MEF2C: variants seen among roughly 807,000 people sequenced by gnomAD.
MEF2C encodes myocyte-specific enhancer factor 2C.
In MEF2C, 6 loss-of-function variants were observed where a neutral mutation model predicts 50.5. That is an observed-to-expected ratio of 0.12 (90% CI 0.07 to 0.23). The LOEUF is 0.23. Among genes scored for constraint, MEF2C ranks in the 10% least tolerant of loss-of-function variants. MEF2C has a pLI of 1.00. For missense variants in MEF2C, 276 were observed against 605.0 expected (o/e 0.46, Z 5.70); for synonymous variants, 183 against 228.0 (o/e 0.80, Z 1.78).
chr5:88,730,429 A>T (rs1760945771), intron 7 of MEF2C, among the ~76,000 whole-genome samples, 195 bp from the exon 8 acceptor site: 1 of 152,182 alleles, frequency 6.6e-6, no homozygotes, highest in Non-Finnish European at 1.5e-5. Context: ...CTCAAATGTG[A>T]AGACAATCTA....
intron 2 of MEF2C, among the ~76,000 whole-genome samples, chr5:88,819,923 C>A (rs989240936): frequency 3.3e-5 from 5 of 151,940 alleles, no homozygotes; most frequent in Non-Finnish European, 7.4e-5. Flanking sequence ...GCTCGCTGAA[C>A]CCCTAAAGCA....
chr5:88,743,952 C>A lies in MEF2C; in HGVS notation c.637+5118G>T, dbSNP rs1281176467. 4.3e-6 allele frequency: 4 copies of A among 928,052 alleles called. No homozygotes were observed. The African/African-American group carries it at 5.4e-5, about 12-fold the overall frequency. The allele number at this position is 928,052 out of a possible 1,614,324, so 57.5% of individuals were successfully genotyped here. A position where few individuals can be genotyped will look rare whatever the true frequency, so the allele number is the denominator to read the frequency against. On this transcript the variant is annotated intron_variant, in intron 6 of 10. Coordinates refer to ENST00000504921, the MANE Select transcript of MEF2C (RefSeq NM_002397.5). ...ATATACATAAATCTCCTTTGCCTTACTGTCAAATAGCTATGTAGATTGTAA... is the reference window on the plus strand; with the variant it reads ...ATATACATAAATCTCCTTTGCCTTAATGTCAAATAGCTATGTAGATTGTAA...
chr5:88,816,421 G>A lies in MEF2C; in HGVS notation c.54+7314C>T, dbSNP rs575352280. Among the ~76,000 whole-genome samples the A allele has an allele frequency of 7.7e-4, 114 of 148,278 alleles. 1 individual carries two copies. The highest frequency in any genetic ancestry group is 2.4e-3 in the East Asian group (12 of 4,970). On this transcript the variant is annotated intron_variant, in intron 2 of 10. Coordinates refer to ENST00000504921, the MANE Select transcript of MEF2C (RefSeq NM_002397.5). ...GGGATAAAATGGAAATGAATGGCCT[G>A]AGGCCACAGCTGTTAAACATACATC...
At position 88,736,404 on chromosome 5, in the gene MEF2C, G is replaced by A. The variant is rs1183711602; in HGVS notation, c.638-4503C>T. ...AGCTACTCGGGAGGCTGAGGCAGGA[G>A]AATGGCGTGAACCCGGGAAGCGGAG... On this transcript the variant is annotated intron_variant, in intron 6 of 10. Transcript: ENST00000504921. Among the ~76,000 whole-genome samples the A allele has an allele frequency of 7.7e-5, 4 of 52,020 alleles. 2 individuals are homozygous for A. Among genetic ancestry groups the A allele is most frequent in the Non-Finnish European group, 1.9e-4 (4 of 20,994 alleles). The allele number at this position is 52,020 out of a possible 152,430, so 34.1% of individuals were successfully genotyped here.
intron 1 of MEF2C, among the ~76,000 whole-genome samples, chr5:88,853,312 T>C (rs1822075899): frequency 6.6e-6 from 1 of 152,216 alleles, no homozygotes; most frequent in South Asian, 2.1e-4. Context: ...TGAGATCTTC[T>C]AGGCTGGACT....
chr5:88,857,536 T>C (rs1823883430), intron 1 of MEF2C, among the ~76,000 whole-genome samples: 2 of 152,168 alleles, frequency 1.3e-5, no homozygotes, highest in African/African-American at 4.8e-5. Context: ...TTTGGCTGTG[T>C]CCCCACCCAA....
At chr5:88,834,994 C>A (rs2153263028) in intron 1 of MEF2C, among the ~76,000 whole-genome samples, 1 of 152,208 alleles carries the variant, frequency 6.6e-6, no homozygotes, top group African/African-American at 2.4e-5. Context: ...CTTTGAAGCT[C>A]TAGGAATATA....
intron 7 of MEF2C, among the ~76,000 whole-genome samples, chr5:88,731,192 G>T (rs1301723205): frequency 6.6e-6 from 1 of 152,142 alleles, no homozygotes; most frequent in Non-Finnish European, 1.5e-5. Context: ...TGAAGTAAAT[G>T]TATGGAAAGA....
At chr5:88,765,127 G>C (rs929047308) in intron 3 of MEF2C, among the ~76,000 whole-genome samples, 167 of 152,240 alleles carry the variant, frequency 1.1e-3, no homozygotes, top group African/African-American at 4.0e-3. Context: ...TCTTGTATCT[G>C]ACTGCATTAT....
At chr5:88,902,710 TC>T (rs1835791446) in intron 1 of MEF2C, among the ~76,000 whole-genome samples, 3 of 151,880 alleles carry the variant, frequency 2.0e-5, no homozygotes, top group African/African-American at 4.8e-5. Flanking sequence ...TATGGGATCA[TC>T]AGAATAAAAC....
At chr5:88,730,334 C>A (rs1760903668) in intron 7 of MEF2C, 100 bp from the exon 8 acceptor site, 1 of 1,307,932 alleles carries the variant, frequency 7.6e-7, no homozygotes, top group Non-Finnish European at 1.1e-6. Flanking sequence ...CCGATAGACA[C>A]AACAGTTTAA....
chr5:88,878,104 A>C (rs1581911053), intron 1 of MEF2C: 1 of 152,058 alleles, frequency 6.6e-6, no homozygotes, highest in Non-Finnish European at 1.5e-5. Flanking sequence ...ACTAAATTAG[A>C]AAATCTTAAG....
At chr5:88,735,829 C>T (rs1763834909) in intron 6 of MEF2C, 10 of 985,382 alleles carry the variant, frequency 1.0e-5, no homozygotes, top group Non-Finnish European at 1.1e-5. Flanking sequence ...TTTGCCTTGT[C>T]TCACAGAGCT....
chr5:88,884,088 C>G (rs1483598674), upstream of MEF2C, among the ~76,000 whole-genome samples: 1 of 152,370 alleles, frequency 6.6e-6, no homozygotes, highest in South Asian at 2.1e-4. Context: ...GCTCCCTGCT[C>G]CTCTCGCGGC....
chr5:88,755,732 A>T (rs1455053532), intron 4 of MEF2C, among the ~76,000 whole-genome samples: 3 of 152,240 alleles, frequency 2.0e-5, no homozygotes, highest in African/African-American at 7.2e-5. Flanking sequence ...GTATCTAAGG[A>T]TCTGCTATAA....
intron 6 of MEF2C, chr5:88,734,513 T>C: frequency 1.0e-6 from 1 of 979,090 alleles, no homozygotes; most frequent in Non-Finnish European, 1.2e-6. Context: ...TGACAAGCAC[T>C]GGGCCAGTGT....
intron 3 of MEF2C, among the ~76,000 whole-genome samples, chr5:88,798,282 T>C (rs1039554634): frequency 5.3e-5 from 8 of 152,172 alleles, no homozygotes; most frequent in African/African-American, 1.9e-4. Context: ...ACCAATCAAA[T>C]GTAGGTTTTG....
intron 1 of MEF2C, chr5:88,843,380 C>T: frequency 3.0e-6 from 3 of 985,020 alleles, no homozygotes; most frequent in Non-Finnish European, 3.6e-6. Context: ...GGTGAACCAA[C>T]AAATTGTTGA....
At chr5:88,857,198 C>A (rs1408678474) in intron 1 of MEF2C, among the ~76,000 whole-genome samples, 2 of 152,174 alleles carry the variant, frequency 1.3e-5, no homozygotes, top group Non-Finnish European at 2.9e-5. Context: ...TAATGACTGT[C>A]CTACTGGATT....
Sources: allele counts gnomAD v4.1 joint callset (sites outside exome capture counted in the v4.1 genomes callset), GRCh38; gene constraint gnomAD v4.1.1; transcripts MANE v1.5; gene names NCBI Gene and HGNC (gene_info 2026-07-23, HGNC 2026-07-21).